DAGLB: variants seen among roughly 807,000 people sequenced by gnomAD.
DAGLB encodes the protein diacylglycerol lipase-beta.
DAGLB carries 66 observed loss-of-function variants against 72.1 expected under a neutral mutation model. The observed-to-expected ratio is 0.92, with a 90% CI of 0.75 to 1.12. The LOEUF is 1.12. DAGLB is among the 50% of genes most tolerant of loss of function. DAGLB has a pLI of 0.00. For missense variants in DAGLB, 1,065 were observed against 884.9 expected (o/e 1.20, Z -2.58); for synonymous variants, 414 against 359.5 (o/e 1.15, Z -1.71).
chr7:6,426,110 T>C lies in DAGLB; in HGVS notation c.934A>G (p.Arg312Gly). 6.2e-7 allele frequency: 1 copy of C among 1,613,654 alleles called. No homozygotes were observed. Among genetic ancestry groups the C allele is most frequent in the Non-Finnish European group, 8.5e-7 (1 of 1,179,890 alleles). ...AAGTCATAGTCTGTGGTTCTGCTTC[T>C]GCAGCTAAAAAGAGGACAAAGACGT... is the stretch of plus-strand genomic sequence containing the variant. ...GLCRIGGDCC[R>G]SRTTDYDLVG... Residue 312 changes from arginine to glycine, a missense_variant, in exon 7 of 15, where the codon AGA (arginine) becomes GGA (glycine). Physicochemically the swap from Arg to Gly is moderately radical, Grantham distance 125. Transcript: ENST00000297056.
chr7:6,430,282 T>TATATATATATG (rs1583294090), intron 6 of DAGLB, among the ~76,000 whole-genome samples, 198 bp downstream of exon 6: 1 of 105,798 alleles, frequency 9.5e-6, no homozygotes, highest in African/African-American at 3.7e-5. Flanking sequence ...TATATATATA[T>TATATATATATG]GCAGGGGGGA....
chr7:6,412,682 G>T, intron 13 of DAGLB, 129 bp downstream of exon 13: 1 of 1,032,366 alleles, frequency 9.7e-7, no homozygotes, highest in Non-Finnish European at 1.5e-6. Flanking sequence ...TGATCAGATG[G>T]TGGAAGGAGA....
chr7:6,424,393 C>T (rs1246788936), intron 8 of DAGLB, among the ~76,000 whole-genome samples: 2 of 152,122 alleles, frequency 1.3e-5, no homozygotes, highest in East Asian at 3.9e-4. Flanking sequence ...GACTGACTCA[C>T]TGCCGCCATC....
rs766251087 is a variant in DAGLB, at chr7:6,410,052, G to C, written c.1821-17C>G. ...CAGCCAAACCTGAAGCAGAAAAGGA[G>C]AGACAGCTCCCACGCGGCCCCAGGG... On this transcript the variant is annotated splice_polypyrimidine_tract_variant and intron_variant, in intron 14 of 14. Coordinates refer to ENST00000297056, the MANE Select transcript of DAGLB (RefSeq NM_139179.4). The C allele has an allele frequency of 6.2e-6, 10 of 1,608,808 alleles. No homozygotes were observed. In the Middle Eastern group the frequency reaches 5.0e-4, roughly 80 times the overall value.
At chr7:6,420,297 G>C (rs1583285774) in intron 9 of DAGLB, among the ~76,000 whole-genome samples, 2 of 151,612 alleles carry the variant, frequency 1.3e-5, no homozygotes, top group South Asian at 4.2e-4. Flanking sequence ...AAAATCAGCT[G>C]GGTGTGGTGA....
chr7:6,446,109 C>CA lies in DAGLB; in HGVS notation c.96-6dup, dbSNP rs748618573. 37,322 of 1,101,140 alleles carry CA rather than the reference C, an allele frequency of 0.034. 20 individuals carry two copies. The highest frequency in any genetic ancestry group is 0.057 in the African/African-American group (3,156 of 55,220). The allele number at this position is 1,101,140 out of a possible 1,614,324, so 68.2% of individuals were successfully genotyped here. ...AACGTCAGAATGCCAATCCACCTGGCAAAAAAAAAAAAGGGAAGGGTCAGA... is the reference window on the plus strand; with the variant it reads ...AACGTCAGAATGCCAATCCACCTGGCAAAAAAAAAAAAAGGGAAGGGTCAGA... On this transcript the variant is annotated splice_polypyrimidine_tract_variant and splice_region_variant and intron_variant, in intron 1 of 14. Coordinates refer to ENST00000297056, the MANE Select transcript of DAGLB (RefSeq NM_139179.4).
chr7:6,435,020 A>G lies in DAGLB; in HGVS notation c.420T>C (p.Ser140=), dbSNP rs767949506. ...CCACTGTGGCAGCGATGATGATCCA[A>G]CTGCAAGACAGAGAGAGGAAAAGGC... The part of the protein sequence containing the change: ...VNGIIATVVV[S]WIIIAATVVS... The change falls in exon 4 of 15, where the codon AGT becomes AGC. Residue 140 remains serine (S), a splice_region_variant and synonymous_variant. Transcript: ENST00000297056. 1.2e-6 allele frequency: 2 copies of G among 1,612,828 alleles called. No individual in the cohort carries two copies. Among genetic ancestry groups the G allele is most frequent in the South Asian group, 2.2e-5 (2 of 91,014 alleles).
chr7:6,436,386 C>A lies in DAGLB; in HGVS notation c.395G>T (p.Gly132Val). The change falls in exon 3 of 15, where the codon GGC (glycine) becomes GTC (valine). Residue 132 changes from glycine to valine, a missense_variant. Coordinates refer to ENST00000297056, the MANE Select transcript of DAGLB (RefSeq NM_139179.4). ...GVQCDRTVVNGIIATVVVSWI... is the reference protein window; with the variant it reads ...GVQCDRTVVNVIIATVVVSWI... ...CCTGACCACGACGGTTGCGATGATG[C>A]CGTTTACAACTGTCCTGTCGCACTG... The A allele has an allele frequency of 6.2e-7, 1 of 1,610,400 alleles. No individual in the cohort carries two copies. The highest frequency in any genetic ancestry group is 1.1e-5 in the South Asian group (1 of 90,456).
intron 6 of DAGLB, among the ~76,000 whole-genome samples, chr7:6,429,925 T>A (rs917399207): frequency 6.6e-6 from 1 of 152,030 alleles, no homozygotes; most frequent in African/African-American, 2.4e-5. Context: ...GCGCCTGTAG[T>A]CCCAGTTACT....
At chr7:6,446,749 C>T (rs1249549062) in intron 1 of DAGLB, among the ~76,000 whole-genome samples, 1 of 151,666 alleles carries the variant, frequency 6.6e-6, no homozygotes, top group East Asian at 2.0e-4. Flanking sequence ...CGGCTCACGT[C>T]TGTAATCCTA....
chr7:6,419,683 C>T (rs1042669933), intron 9 of DAGLB, among the ~76,000 whole-genome samples: 3 of 152,224 alleles, frequency 2.0e-5, no homozygotes, highest in African/African-American at 7.2e-5. Context: ...GCCGCGGATC[C>T]TCAGCTTGTG....
chr7:6,432,018 C>T (rs1349146672), intron 5 of DAGLB, among the ~76,000 whole-genome samples: 1 of 152,012 alleles, frequency 6.6e-6, no homozygotes, highest in Non-Finnish European at 1.5e-5. Flanking sequence ...GTGTAACAAC[C>T]CTGCTCATGT....
At position 6,409,874 on chromosome 7, in the gene DAGLB, C is replaced by T. The variant is rs1008674513; in HGVS notation, c.1982G>A (p.Cys661Tyr). ...CACACTGGAGACCCCTTGTGCTGGACAGGAGACGCAGGCCGCTCTGTCGGA... is the reference window on the plus strand; with the variant it reads ...CACACTGGAGACCCCTTGTGCTGGATAGGAGACGCAGGCCGCTCTGTCGGA... ...VVSDRAACVSCPAQGVSSVDV... is the reference protein window; with the variant it reads ...VVSDRAACVSYPAQGVSSVDV... The change falls in exon 15 of 15, where the codon TGT becomes TAT. Residue 661 changes from cysteine (C) to tyrosine (Y), a missense_variant. Transcript: ENST00000297056. 6.2e-7 allele frequency: 1 copy of T among 1,614,034 alleles called. No individual in the cohort carries two copies. Among genetic ancestry groups the T allele is most frequent in the Admixed American group, 1.7e-5 (1 of 60,016 alleles).
Position 6,409,921 on chromosome 7 carries a change from C to A in DAGLB, c.1935G>T (p.Met645Ile). ...CGGAGACCACGCTGTCCAAGGCCCG[C>A]ATCAGGATGTCTGGCATGTGGTCGG... ...MLTDHMPDIL[M>I]RALDSVVSDR... Residue 645 changes from methionine to isoleucine, a missense_variant, in exon 15 of 15, where the codon ATG becomes ATT. By Grantham distance (10) the Met-to-Ile change is conservative. Transcript: ENST00000297056. 1.2e-6 allele frequency: 2 copies of A among 1,614,110 alleles called. No individual in the cohort carries two copies. The highest frequency in any genetic ancestry group is 2.2e-5 in the South Asian group (2 of 91,086).
chr7:6,438,919 C>T (rs1784744184), intron 2 of DAGLB, among the ~76,000 whole-genome samples: 1 of 151,940 alleles, frequency 6.6e-6, no homozygotes, highest in Admixed American at 6.6e-5. Flanking sequence ...CACGGTTTTG[C>T]CTGCCTAGAA....
At chr7:6,420,725 C>T (rs1377399517) in intron 9 of DAGLB, among the ~76,000 whole-genome samples, 1 of 118,692 alleles carries the variant, frequency 8.4e-6, no homozygotes, top group Admixed American at 8.4e-5. Context: ...TCAGGAATAT[C>T]TCACCAGTTA....
At chr7:6,426,410 C>T (rs1301077076) in intron 6 of DAGLB, among the ~76,000 whole-genome samples, 2 of 152,236 alleles carry the variant, frequency 1.3e-5, no homozygotes, top group Non-Finnish European at 2.9e-5. Flanking sequence ...GCTGGGATTA[C>T]ATGCGTGCAC....
At chr7:6,410,408 GCTGTCACTCACCCT>G (rs1475702452) in intron 13 of DAGLB, 28 bp from the exon 14 acceptor site, 2 of 1,576,240 alleles carry the variant, frequency 1.3e-6, no homozygotes, top group African/African-American at 1.4e-5. Context: ...TCAGTAGAAT[GCTGTCACTCACCCT>G]CTGTCACCCG....
intron 13 of DAGLB, among the ~76,000 whole-genome samples, chr7:6,411,093 C>T (rs752467719): frequency 6.6e-6 from 1 of 151,884 alleles, no homozygotes; most frequent in Non-Finnish European, 1.5e-5. Context: ...ACCGTGGTCT[C>T]TATCTCCTGA....
Sources: gnomAD v4.1 joint callset for allele counts (sites outside exome capture counted in the v4.1 genomes callset) on GRCh38, gnomAD v4.1.1 for gene constraint, MANE v1.5 for transcripts, NCBI Gene and HGNC (gene_info 2026-07-23, HGNC 2026-07-21) for gene names.